MAGED1: variants seen among roughly 807,000 people sequenced by gnomAD.
MAGED1 encodes MAGE family member D1.
Under a neutral mutation model 54.1 loss-of-function variants are expected in MAGED1, and 3 were observed. That is an observed-to-expected ratio of 0.06 (90% CI 0.03 to 0.14). The LOEUF (loss-of-function observed/expected upper bound fraction) is 0.14, where lower values mean the gene tolerates loss of function less well. MAGED1 is among the 10% of genes least tolerant of loss of function. The pLI, the probability that MAGED1 is intolerant of heterozygous loss-of-function variation, is 1.00. For synonymous variants in MAGED1, 217 were observed against 227.3 expected (o/e 0.95, Z 0.41); for missense variants, 485 against 623.4 (o/e 0.78, Z 2.36).
intron 1 of MAGED1, among the ~76,000 whole-genome samples, chrX:51,856,737 AG>A (rs1557360235): frequency 8.9e-6 from 1 of 112,064 alleles, no homozygotes; most frequent in African/African-American, 3.2e-5. Context: ...GATGACATAT[AG>A]GTAAAGGAAT....
intron 3 of MAGED1, 51 bp from the exon 4 acceptor site, chrX:51,896,358 G>GT (rs781799229): frequency 1.9e-6 from 2 of 1,075,655 alleles, no homozygotes; most frequent in East Asian, 6.0e-5. Flanking sequence ...AATAGATAAG[G>GT]TGAGGACACA....
At chrX:51,866,418 C>T (rs1210253577) in intron 1 of MAGED1, among the ~76,000 whole-genome samples, 2 of 111,439 alleles carry the variant, frequency 1.8e-5, no homozygotes, top group Non-Finnish European at 3.8e-5. Flanking sequence ...TTATTTCCAG[C>T]GAAAAGTTGC....
At chrX:51,805,540 G>C (rs1924996092) in intron 1 of MAGED1, among the ~76,000 whole-genome samples, 1 of 110,027 alleles carries the variant, frequency 9.1e-6, no homozygotes, top group African/African-American at 3.3e-5. Flanking sequence ...TATTTTTTGT[G>C]CTTCTTTCAC....
intron 1 of MAGED1, among the ~76,000 whole-genome samples, chrX:51,826,163 A>G (rs1416138988): frequency 8.9e-6 from 1 of 112,247 alleles, no homozygotes; most frequent in African/African-American, 3.2e-5. Context: ...CCGTTGATCA[A>G]TCCCCAGAGA....
At chrX:51,815,142 C>CA (rs1214745697) in intron 1 of MAGED1, among the ~76,000 whole-genome samples, 18 of 97,394 alleles carry the variant, frequency 1.8e-4, no homozygotes, top group Middle Eastern at 5.3e-3. Context: ...GACCCTGTCT[C>CA]AAAAAAAAAA....
chrX:51,897,919 T>C (rs138298622), intron 7 of MAGED1, 33 bp downstream of exon 7: 60 of 1,084,772 alleles, frequency 5.5e-5, no homozygotes, highest in Middle Eastern at 2.5e-4. Context: ...ACATGGCCTT[T>C]CTCAGTGGTG....
rs1347107159 is a variant in MAGED1 at position 51,895,173 on chromosome X, C to T, written c.166C>T (p.Pro56Ser). The change falls in exon 3 of 13, where the codon CCC becomes TCC. Residue 56 changes from proline (P) to serine (S), a missense_variant. Physicochemically the swap from Pro to Ser is moderately conservative, Grantham distance 74 (BLOSUM62 -1). Coordinates refer to ENST00000326587, the MANE Select transcript of MAGED1 (RefSeq NM_006986.4). ...AGCTGCTAGTCCCCAGAGTTCACAG[C>T]CCCCAACTGCCAATGAGATGGCTGA... Reference protein sequence around the residue: ...TAAASPQSSQPPTANEMADIQ... With the variant: ...TAAASPQSSQSPTANEMADIQ... 8.3e-7 allele frequency: 1 copy of T among 1,211,656 alleles called. No homozygotes were observed. The highest frequency in any genetic ancestry group is 1.1e-6 in the Non-Finnish European group (1 of 895,322).
At chrX:51,900,124 T>C (rs1928944950) in intron 10 of MAGED1, 58 bp from the exon 11 acceptor site, 1 of 726,587 alleles carries the variant, frequency 1.4e-6, no homozygotes, top group East Asian at 3.2e-5. Flanking sequence ...TTATTTTTCA[T>C]TAGTGGACTA....
At chrX:51,817,731 C>T (rs1557356193) in intron 1 of MAGED1, among the ~76,000 whole-genome samples, 1 of 112,068 alleles carries the variant, frequency 8.9e-6, no homozygotes, top group African/African-American at 3.2e-5. Context: ...TACAGATACT[C>T]ACAAAATTGC....
chrX:51,830,603 A>G lies in MAGED1; in HGVS notation c.-37+27486A>G, dbSNP rs781822554. ...GGAGAAAGATGCAGAAATCTGGAGG[A>G]GAAATTACTTTCAAGGTGGTAAAAA... is the stretch of plus-strand genomic sequence containing the variant. On this transcript the variant is annotated intron_variant, in intron 1 of 12. Transcript: ENST00000375772. Among the ~76,000 whole-genome samples, 12 of 109,533 alleles carry G rather than the reference A, an allele frequency of 1.1e-4. No homozygotes were observed. The East Asian group carries it at 3.1e-3, about 29-fold the overall frequency.
intron 1 of MAGED1, among the ~76,000 whole-genome samples, chrX:51,866,651 A>G (rs1347819054): frequency 1.8e-5 from 2 of 112,496 alleles, no homozygotes; most frequent in African/African-American, 6.5e-5. Flanking sequence ...GTAATTCTAC[A>G]TAACCTGTTT....
chrX:51,884,685 C>T (rs1256150590), intron 1 of MAGED1, among the ~76,000 whole-genome samples: 1 of 112,062 alleles, frequency 8.9e-6, no homozygotes, highest in African/African-American at 3.2e-5. Context: ...AAGAAACTTA[C>T]ACATTAATAT....
At chrX:51,895,842 A>G in intron 3 of MAGED1, 82 bp downstream of exon 3, 2 of 776,841 alleles carry the variant, frequency 2.6e-6, no homozygotes, top group Non-Finnish European at 1.8e-6. Flanking sequence ...AAACAAAACA[A>G]TGTATGTAAC....
chrX:51,888,068 T>C (rs1557362962), intron 1 of MAGED1, among the ~76,000 whole-genome samples: 1 of 111,296 alleles, frequency 9.0e-6, no homozygotes, highest in Non-Finnish European at 1.9e-5. Flanking sequence ...GTACAAAAAA[T>C]ACTTAGAAAC....
chrX:51,842,636 G>T (rs1053977394), intron 1 of MAGED1, among the ~76,000 whole-genome samples: 1 of 110,703 alleles, frequency 9.0e-6, no homozygotes, highest in African/African-American at 3.3e-5. Flanking sequence ...TTTATATTTT[G>T]AGTATGATTT....
intron 1 of MAGED1, among the ~76,000 whole-genome samples, chrX:51,859,411 AAAAT>A (rs1202067089): frequency 9.0e-6 from 1 of 111,216 alleles, no homozygotes; most frequent in Non-Finnish European, 1.9e-5. Flanking sequence ...TGTGAATTGT[AAAAT>A]AATACCTCTT....
At chrX:51,892,808 C>T (rs960129562), upstream of MAGED1, among the ~76,000 whole-genome samples, 7 of 111,647 alleles carry the variant, frequency 6.3e-5, no homozygotes, top group African/African-American at 2.3e-4. Flanking sequence ...CCAAATTTTG[C>T]ATTTTGTTTC....
chrX:51,841,662 A>C (rs1171591079), intron 1 of MAGED1, among the ~76,000 whole-genome samples: 1 of 111,687 alleles, frequency 9.0e-6, no homozygotes, highest in Non-Finnish European at 1.9e-5. Context: ...ATGGCTAGCC[A>C]GTTTTCCCAG....
At chrX:51,854,821 G>T (rs782643556) in intron 1 of MAGED1, among the ~76,000 whole-genome samples, 1 of 110,943 alleles carries the variant, frequency 9.0e-6, no homozygotes, top group Admixed American at 9.6e-5. Context: ...TCATTTGTGT[G>T]TATGCCCAGT....
Sources: gnomAD v4.1 joint callset for allele counts (sites outside exome capture counted in the v4.1 genomes callset) on GRCh38, gnomAD v4.1.1 for gene constraint, MANE v1.5 for transcripts, NCBI Gene and HGNC (gene_info 2026-07-23, HGNC 2026-07-21) for gene names.